ADCYAP1R1: variants seen among roughly 807,000 people sequenced by gnomAD.
The protein encoded by ADCYAP1R1 is ADCYAP receptor type I.
In ADCYAP1R1, 44 loss-of-function variants were observed where a neutral mutation model predicts 67.6. That is an observed-to-expected ratio of 0.65 (90% CI 0.51 to 0.84). ADCYAP1R1 has a LOEUF of 0.84. ADCYAP1R1 is among the 40% of genes least tolerant of loss of function. The pLI is 0.00. For synonymous variants in ADCYAP1R1, 222 were observed against 219.6 expected, an observed-to-expected ratio of 1.01 and a Z score of -0.10; for missense variants, 477 against 587.9, an observed-to-expected ratio of 0.81 and a Z score of 1.95.
intron 1 of ADCYAP1R1, among the ~76,000 whole-genome samples, chr7:31,053,599 C>T (rs902116281): frequency 2.0e-5 from 3 of 152,240 alleles, no homozygotes; most frequent in Admixed American, 2.0e-4. Context: ...CTGGATGGAG[C>T]TCAGCCCCTT....
At chr7:31,093,394 C>G (rs1796049986) in intron 13 of ADCYAP1R1, among the ~76,000 whole-genome samples, 1 of 152,176 alleles carries the variant, frequency 6.6e-6, no homozygotes, top group Non-Finnish European at 1.5e-5. Flanking sequence ...CACTTGATTT[C>G]CAAGAAGTAT....
chr7:31,073,343 G>A (rs1795069180), intron 3 of ADCYAP1R1, among the ~76,000 whole-genome samples: 1 of 152,164 alleles, frequency 6.6e-6, no homozygotes, highest in Non-Finnish European at 1.5e-5. Context: ...GAGAGAGAGG[G>A]AGAAGAAAGT....
At chr7:31,067,262 A>G (rs573958441) in intron 3 of ADCYAP1R1, among the ~76,000 whole-genome samples, 1 of 152,236 alleles carries the variant, frequency 6.6e-6, no homozygotes, top group East Asian at 1.9e-4. Flanking sequence ...CCTCCCTTGA[A>G]TCATAGGGTG....
chr7:31,082,413 A>G (rs943880139), intron 6 of ADCYAP1R1, among the ~76,000 whole-genome samples: 5 of 152,268 alleles, frequency 3.3e-5, no homozygotes, highest in African/African-American at 1.2e-4. Context: ...TACTTCTCTG[A>G]GCCCACACTG....
At chr7:31,100,085 G>T in intron 13 of ADCYAP1R1, 2 of 1,534,722 alleles carry the variant, frequency 1.3e-6, no homozygotes, top group Non-Finnish European at 8.8e-7. Context: ...TCACTGCCTG[G>T]TGCCCCCCAG....
chr7:31,074,468 C>T (rs1002952345), intron 3 of ADCYAP1R1, among the ~76,000 whole-genome samples: 4 of 152,194 alleles, frequency 2.6e-5, no homozygotes, highest in Admixed American at 6.5e-5. Context: ...GCCACCCGCC[C>T]GACCTCTGCA....
At chr7:31,079,149 G>A (rs1472784540) in intron 4 of ADCYAP1R1, among the ~76,000 whole-genome samples, 1 of 152,208 alleles carries the variant, frequency 6.6e-6, no homozygotes, top group Non-Finnish European at 1.5e-5. Flanking sequence ...GAGGGAAAGG[G>A]GTAGCTGTAG....
intron 13 of ADCYAP1R1, 92 bp from the exon 14 acceptor site, chr7:31,103,145 A>T (rs1796503607): frequency 9.2e-6 from 14 of 1,528,874 alleles, no homozygotes; most frequent in Non-Finnish European, 1.1e-5. Context: ...TGGAGGGAGA[A>T]TAAGGGACTG....
chr7:31,087,156 A>G (rs565011043), intron 11 of ADCYAP1R1, among the ~76,000 whole-genome samples, 153 bp downstream of exon 11: 1 of 152,344 alleles, frequency 6.6e-6, no homozygotes, highest in Non-Finnish European at 1.5e-5. Context: ...CACCTGAGCC[A>G]TGGCCCCATG....
chr7:31,097,818 G>A (rs1403795338), intron 13 of ADCYAP1R1, among the ~76,000 whole-genome samples: 1 of 152,096 alleles, frequency 6.6e-6, no homozygotes, highest in African/African-American at 2.4e-5. Flanking sequence ...TACAGTTGGG[G>A]GGGGGTCTCC....
In ADCYAP1R1 at chr7:31,086,637, G is replaced by A. The variant is rs1165860143; in HGVS notation, c.823+100G>A. 2 of 1,426,274 alleles carry A rather than the reference G, an allele frequency of 1.4e-6. No individual in the cohort carries two copies. The highest frequency in any genetic ancestry group is 1.9e-6 in the Non-Finnish European group (2 of 1,033,940). 88.4% of individuals were successfully genotyped at this position (1,426,274 alleles called of 1,614,324 possible). Reference sequence around the variant, plus strand: ...CTTCAGGAAGTGTCAGGTGAGGAGGGGCCACTGCCCTGCCCGAGTCTAATG... The same window carrying A: ...CTTCAGGAAGTGTCAGGTGAGGAGGAGCCACTGCCCTGCCCGAGTCTAATG... On this transcript the variant is annotated intron_variant, in intron 10 of 15. Transcript: ENST00000304166. This position sits in a 1 kb window ranked among gnomAD's most constrained non-coding sequence, Gnocchi z 5.0.
chr7:31,100,254 G>T lies in ADCYAP1R1; in HGVS notation c.1047-2983G>T, dbSNP rs1428873483. The T allele has an allele frequency of 1.8e-5, 28 of 1,535,572 alleles. No individual in the cohort carries two copies. In the East Asian group the frequency reaches 5.9e-4, roughly 32 times the overall value. ...GGCTGTGGCCGGGAATCCTGGAGGG[G>T]TGGGGGACGCATGCTGCCACTGCCG... On this transcript the variant is annotated intron_variant, in intron 13 of 15. Transcript: ENST00000304166.
rs144171051 is a variant in ADCYAP1R1, at chr7:31,097,362, G to A, written c.1046+4627G>A. 2.2e-3 allele frequency among the ~76,000 whole-genome samples: 337 copies of A among 152,254 alleles called. 2 individuals carry two copies. Among genetic ancestry groups the A allele is most frequent in the African/African-American group, 7.7e-3 (318 of 41,546 alleles). ...TTATTTTCCCTTTTCCCTAATTGTC[G>A]TGACTTTTAAGACATTCTGACATCT... On this transcript the variant is annotated intron_variant, in intron 13 of 15. Transcript: ENST00000304166.
intron 11 of ADCYAP1R1, 25 bp from the exon 12 acceptor site, chr7:31,087,601 CT>C: frequency 6.2e-7 from 1 of 1,611,952 alleles, no homozygotes; most frequent in Non-Finnish European, 8.5e-7. Flanking sequence ...CAGACGTGAT[CT>C]TGCTTCTCTC....
chr7:31,087,136 C>A, intron 11 of ADCYAP1R1, 133 bp downstream of exon 11: 1 of 1,027,768 alleles, frequency 9.7e-7, no homozygotes. Context: ...TAAAGCCCAG[C>A]ACTGGGCACC....
At chr7:31,103,692 C>A (rs1255125837) in intron 14 of ADCYAP1R1, among the ~76,000 whole-genome samples, 2 of 152,186 alleles carry the variant, frequency 1.3e-5, no homozygotes, top group Non-Finnish European at 2.9e-5. Flanking sequence ...CTGCCTTCAG[C>A]TTTTTAGGCC....
In ADCYAP1R1 at chr7:31,108,724, C is replaced by T. The variant is rs1022747430; in HGVS notation, c.*2040C>T. 6.6e-6 allele frequency: 1 copy of T among 150,868 alleles called. No individual in the cohort carries two copies. Among genetic ancestry groups the T allele is most frequent in the African/African-American group, 2.5e-5 (1 of 40,678 alleles). The allele number at this position is 150,868 out of a possible 1,614,324, so 9.3% of individuals were successfully genotyped here. A position where few individuals can be genotyped will look rare whatever the true frequency, so the allele number is the denominator to read the frequency against. On this transcript the variant is annotated 3_prime_UTR_variant, in exon 16 of 16. Coordinates refer to ENST00000304166, the MANE Select transcript of ADCYAP1R1 (RefSeq NM_001118.5). ...TAAAAGGGCATTCATCATTGTGCCT[C>T]ATATCAGGTTTTGATGAATATATGT...
chr7:31,086,975 A>G lies in ADCYAP1R1; in HGVS notation c.856A>G (p.Thr286Ala), dbSNP rs751070912. The G allele has an allele frequency of 1.9e-6, 3 of 1,614,208 alleles. No homozygotes were observed. The Admixed American group carries it at 5.0e-5, about 27-fold the overall frequency. Residue 286 changes from threonine (T) to alanine (A), a missense_variant, in exon 11 of 16, where the codon ACG becomes GCG. By Grantham distance (58) the Thr-to-Ala change is moderately conservative. Coordinates refer to ENST00000304166, the MANE Select transcript of ADCYAP1R1 (RefSeq NM_001118.5). The surrounding 1 kb of genome is among the most constrained non-coding windows in gnomAD (Gnocchi z 5.0). ...TPTVCVTVWA[T>A]LRLYFDDTGC... The stretch of plus-strand genomic sequence containing the variant: ...AACTGTGTGTGTGACAGTGTGGGCT[A>G]CGCTGAGACTCTACTTTGATGACAC...
intron 13 of ADCYAP1R1, among the ~76,000 whole-genome samples, chr7:31,099,360 C>T (rs769315939): frequency 1.2e-4 from 19 of 152,234 alleles, no homozygotes; most frequent in Non-Finnish European, 2.5e-4. Flanking sequence ...ATATGATAAC[C>T]ACTAGCTCCA....
Sources: gnomAD v4.1 joint callset for allele counts (sites outside exome capture counted in the v4.1 genomes callset) on GRCh38, gnomAD v4.1.1 for gene constraint, Gnocchi (gnomAD v3.1) non-coding constraint, MANE v1.5 for transcripts, NCBI Gene and HGNC (gene_info 2026-07-23, HGNC 2026-07-21) for gene names.